TBX15: variants seen among roughly 807,000 people sequenced by gnomAD.
TBX15 encodes T-box transcription factor 15.
Under a neutral mutation model 53.9 loss-of-function variants are expected in TBX15, and 18 were observed. That is an observed-to-expected ratio of 0.33 (90% CI 0.23 to 0.49). The LOEUF is 0.49. TBX15 is among the 20% of genes least tolerant of loss of function. TBX15 has a pLI of 0.98. For synonymous variants in TBX15, 295 were observed against 278.0 expected, an observed-to-expected ratio of 1.06 and a Z score of -0.61; for missense variants, 692 against 749.5, an observed-to-expected ratio of 0.92 and a Z score of 0.90.
At chr1:118,981,493 AAAAT>A (rs1400015519) in intron 1 of TBX15, among the ~76,000 whole-genome samples, 5 of 152,384 alleles carry the variant, frequency 3.3e-5, no homozygotes, top group African/African-American at 7.2e-5. Context: ...ACTTATCTAT[AAAAT>A]AAATAAAACA....
intron 6 of TBX15, among the ~76,000 whole-genome samples, chr1:118,902,096 A>C (rs1654650234): frequency 6.6e-6 from 1 of 152,068 alleles, no homozygotes; most frequent in African/African-American, 2.4e-5. Context: ...TCTATAATAG[A>C]AATGATCCTA....
rs767018617 is a variant in TBX15 at position 118,921,855 on chromosome 1, G to A, written c.861+1581C>T. ...AATAAATGAAGTAAATAATTTTGAC[G>A]TACTGATTGTTCTCATTCTAGAATG... On this transcript the variant is annotated intron_variant, in intron 5 of 7. Coordinates refer to ENST00000369429, the MANE Select transcript of TBX15 (RefSeq NM_001330677.2). 1.8e-4 allele frequency among the ~76,000 whole-genome samples: 27 copies of A among 152,120 alleles called. No homozygotes were observed. The East Asian group carries it at 1.9e-3, about 11-fold the overall frequency.
intron 5 of TBX15, among the ~76,000 whole-genome samples, chr1:118,916,274 G>A (rs1262769457): frequency 6.6e-6 from 1 of 152,184 alleles, no homozygotes. Context: ...AGACGAAGTA[G>A]GAATTACTCC....
chr1:118,892,763 C>T (rs751598528), intron 7 of TBX15, among the ~76,000 whole-genome samples: 3 of 152,158 alleles, frequency 2.0e-5, no homozygotes, highest in Admixed American at 6.5e-5. Context: ...ACATTACCCA[C>T]GACAGCATGA....
intron 3 of TBX15, 47 bp from the exon 4 acceptor site, chr1:118,924,864 A>G: frequency 6.2e-7 from 1 of 1,608,812 alleles, no homozygotes. Context: ...GAGGCAGAGA[A>G]GGGACAGAGG....
chr1:118,905,326 G>A (rs1455225396), intron 6 of TBX15, among the ~76,000 whole-genome samples: 2 of 152,146 alleles, frequency 1.3e-5, no homozygotes, highest in African/African-American at 2.4e-5. Flanking sequence ...CTCTCTGTTC[G>A]ATGACACCAT....
At chr1:118,915,778 T>C (rs562833090) in intron 5 of TBX15, among the ~76,000 whole-genome samples, 2 of 152,298 alleles carry the variant, frequency 1.3e-5, no homozygotes, top group East Asian at 3.9e-4. Context: ...GTCCAACTCA[T>C]TTATGATAGG....
At chr1:118,937,014 G>T (rs139957019) in intron 1 of TBX15, among the ~76,000 whole-genome samples, 6 of 152,298 alleles carry the variant, frequency 3.9e-5, no homozygotes, top group Non-Finnish European at 8.8e-5. Flanking sequence ...TGACAGATAC[G>T]CCTGCAGAGG....
Position 118,939,154 on chromosome 1 carries a change from C to T in TBX15, c.206-7322G>A, listed in dbSNP as rs187679691. Among the ~76,000 whole-genome samples, 45 of 152,170 alleles carry T rather than the reference C, an allele frequency of 3.0e-4. 1 individual carries two copies. The East Asian group carries it at 8.5e-3, about 29-fold the overall frequency. On this transcript the variant is annotated intron_variant, in intron 1 of 7. Coordinates refer to ENST00000369429, the MANE Select transcript of TBX15 (RefSeq NM_001330677.2). ...AGGCCTAATGGCTCATGCCTATAAT[C>T]TTAGCACTTTGGAAAGCTGACGCAG...
intron 1 of TBX15, among the ~76,000 whole-genome samples, chr1:118,940,531 C>T (rs1333066092): frequency 6.6e-6 from 1 of 151,782 alleles, no homozygotes; most frequent in African/African-American, 2.4e-5. Flanking sequence ...GTGGGCCCTA[C>T]TTGTGCAGAA....
At chr1:118,979,779 A>G (rs1040456562) in intron 1 of TBX15, among the ~76,000 whole-genome samples, 2 of 151,772 alleles carry the variant, frequency 1.3e-5, no homozygotes, top group Non-Finnish European at 3.0e-5. Context: ...CCGGGTTTCC[A>G]GGGTCCCGGG....
intron 7 of TBX15, among the ~76,000 whole-genome samples, chr1:118,893,386 AAAGAAAGAAAGAAAGAAAGAAAGG>A (rs1654247032): frequency 7.6e-5 from 10 of 131,030 alleles, no homozygotes; most frequent in African/African-American, 2.4e-4. Flanking sequence ...AGAAAGAAAG[AAAGAAAGAAAGAAAGAAAGAAAGG>A]AAGAAGGAAA....
In TBX15 at chr1:118,962,497, G is replaced by A. The variant is rs757957537; in HGVS notation, c.205+25094C>T. ...CTGTATTTAAATGACAATGATGCTC[G>A]TTCCAAAGCCTCAAAATATCCTAGA... On this transcript the variant is annotated intron_variant, in intron 1 of 7. Transcript: ENST00000369429. 8.6e-5 allele frequency among the ~76,000 whole-genome samples: 13 copies of A among 152,018 alleles called. 1 individual carries two copies. Among genetic ancestry groups the A allele is most frequent in the South Asian group, 4.2e-4 (2 of 4,808 alleles).
chr1:118,924,517 T>A, intron 4 of TBX15, 129 bp downstream of exon 4: 1 of 1,072,838 alleles, frequency 9.3e-7, no homozygotes, highest in Non-Finnish European at 1.4e-6. Flanking sequence ...TTATGCTTAC[T>A]TACTTAAAAT....
chr1:118,898,957 C>T (rs1430897615), intron 7 of TBX15, 71 bp downstream of exon 7: 3 of 1,466,552 alleles, frequency 2.0e-6, no homozygotes, highest in African/African-American at 1.4e-5. Context: ...GCCAGATGTG[C>T]TATATTCGGT....
chr1:118,943,476 T>C (rs1057263876), intron 1 of TBX15, among the ~76,000 whole-genome samples: 1 of 152,118 alleles, frequency 6.6e-6, no homozygotes, highest in African/African-American at 2.4e-5. Flanking sequence ...GCTCTCTTGG[T>C]CCATAATGGC....
At chr1:118,949,085 A>C (rs1227252059) in intron 1 of TBX15, among the ~76,000 whole-genome samples, 1 of 152,190 alleles carries the variant, frequency 6.6e-6, no homozygotes. Flanking sequence ...TGAAATTCAG[A>C]AGCATGAGGC....
intron 2 of TBX15, among the ~76,000 whole-genome samples, chr1:118,927,311 C>G (rs1655632834): frequency 6.6e-6 from 1 of 152,084 alleles, no homozygotes; most frequent in African/African-American, 2.4e-5. Context: ...TTCCTATTAG[C>G]TATAATCTTT....
At chr1:118,945,688 C>T (rs946953364) in intron 1 of TBX15, among the ~76,000 whole-genome samples, 1 of 152,170 alleles carries the variant, frequency 6.6e-6, no homozygotes, top group African/African-American at 2.4e-5. Flanking sequence ...TTTTCCCCCC[C>T]TACTGTTCAG....
Sources: allele counts gnomAD v4.1 joint callset (sites outside exome capture counted in the v4.1 genomes callset), GRCh38; gene constraint gnomAD v4.1.1; transcripts MANE v1.5; gene names NCBI Gene and HGNC (gene_info 2026-07-23, HGNC 2026-07-21).